MAP4: variants seen among roughly 807,000 people sequenced by gnomAD.
MAP4 encodes the protein microtubule-associated protein 4.
MAP4 carries 76 observed loss-of-function variants against 170.2 expected under a neutral mutation model. The ratio of observed to expected loss-of-function variants is 0.45; its 90% CI spans 0.37 to 0.54. The LOEUF is 0.54. Ranked by LOEUF, MAP4 falls within the 20% of genes least tolerant of loss-of-function variation. MAP4 has a pLI of 0.00. For missense variants in MAP4, 2,506 were observed against 2,748.0 expected (o/e 0.91, Z 1.97); for synonymous variants, 909 against 994.5 (o/e 0.91, Z 1.62).
chr3:48,079,843 G>T (rs560070772), intron 1 of MAP4, among the ~76,000 whole-genome samples: 1 of 151,956 alleles, frequency 6.6e-6, no homozygotes, highest in South Asian at 2.1e-4. Flanking sequence ...CCAGCTACTC[G>T]GGAGGCTGAG....
At chr3:47,874,392 C>A (rs1043273162) in intron 12 of MAP4, among the ~76,000 whole-genome samples, 16 of 152,142 alleles carry the variant, frequency 1.1e-4, no homozygotes, top group Non-Finnish European at 2.1e-4. Context: ...ATGCTTGAAC[C>A]TGGGAGGTGG....
intron 12 of MAP4, among the ~76,000 whole-genome samples, chr3:47,872,303 C>G (rs1576865142): frequency 6.6e-6 from 1 of 152,192 alleles, no homozygotes; most frequent in East Asian, 1.9e-4. Flanking sequence ...CCTGACTCAG[C>G]CTCCAGAGTA....
chr3:47,903,134 T>C (rs2100031010), intron 9 of MAP4, 134 bp from the exon 10 acceptor site: 1 of 151,040 alleles, frequency 6.6e-6, no homozygotes, highest in South Asian at 2.2e-4. Flanking sequence ...CTCACAGTTC[T>C]ACTTGGTTTC....
chr3:47,932,393 G>A (rs2100050375), intron 3 of MAP4, among the ~76,000 whole-genome samples: 1 of 152,004 alleles, frequency 6.6e-6, no homozygotes, highest in Admixed American at 6.6e-5. Flanking sequence ...GAACATTCAC[G>A]TACAGGTTTT....
At chr3:48,076,358 C>T (rs964428226) in intron 1 of MAP4, among the ~76,000 whole-genome samples, 2 of 151,258 alleles carry the variant, frequency 1.3e-5, no homozygotes, top group African/African-American at 4.9e-5. Flanking sequence ...AAAAATTAGC[C>T]GGGCATGGTG....
chr3:48,062,494 TA>T (rs1156947592), intron 1 of MAP4, among the ~76,000 whole-genome samples: 7,972 of 81,488 alleles, frequency 0.098, 248 homozygotes, highest in African/African-American at 0.2. Context: ...GAATGATCAA[TA>T]AAAAAAAAAA....
At chr3:47,919,178 G>T (rs971422623) in intron 5 of MAP4, among the ~76,000 whole-genome samples, 1 of 152,026 alleles carries the variant, frequency 6.6e-6, no homozygotes, top group Admixed American at 6.5e-5. Context: ...TGATCCAACC[G>T]CCTCGGCCTC....
At chr3:48,053,690 C>T (rs1216569002) in intron 1 of MAP4, among the ~76,000 whole-genome samples, 1 of 152,118 alleles carries the variant, frequency 6.6e-6, no homozygotes, top group Non-Finnish European at 1.5e-5. Context: ...TTTATTTGTA[C>T]ATGATCTGTC....
At chr3:48,079,243 G>T (rs763236806) in intron 1 of MAP4, among the ~76,000 whole-genome samples, 2 of 152,034 alleles carry the variant, frequency 1.3e-5, no homozygotes, top group African/African-American at 2.4e-5. Context: ...GCTCACTAGA[G>T]AGCATTTTGG....
chr3:47,892,912 C>G, intron 10 of MAP4: 1 of 988,766 alleles, frequency 1.0e-6, no homozygotes, highest in Non-Finnish European at 1.2e-6. Flanking sequence ...CCATGCCCAC[C>G]CTTCCACATT....
intron 1 of MAP4, among the ~76,000 whole-genome samples, chr3:48,054,549 G>C (rs1215479899): frequency 2.2e-5 from 3 of 139,422 alleles, no homozygotes; most frequent in Non-Finnish European, 1.5e-5. Flanking sequence ...AGAATCACTT[G>C]AACTCGAGAG....
At chr3:47,973,098 G>A (rs982963973) in intron 3 of MAP4, 2 of 980,102 alleles carry the variant, frequency 2.0e-6, no homozygotes, top group African/African-American at 3.5e-5. Flanking sequence ...AATGTAAGAT[G>A]TTTATTAGTG....
chr3:47,954,679 C>T (rs1374522588), intron 3 of MAP4, among the ~76,000 whole-genome samples: 1 of 152,158 alleles, frequency 6.6e-6, no homozygotes, highest in Non-Finnish European at 1.5e-5. Flanking sequence ...ATACCCAGAC[C>T]TTTCAGGGAT....
intron 1 of MAP4, among the ~76,000 whole-genome samples, chr3:48,084,910 G>A (rs1316604763): frequency 6.6e-6 from 1 of 151,668 alleles, no homozygotes; most frequent in Non-Finnish European, 1.5e-5. Flanking sequence ...CCAAAGTGCT[G>A]GAATTACAGG....
intron 3 of MAP4, among the ~76,000 whole-genome samples, chr3:47,969,558 C>G (rs928794521): frequency 2.6e-5 from 4 of 152,120 alleles, no homozygotes; most frequent in Non-Finnish European, 5.9e-5. Flanking sequence ...TTTGAAGTAA[C>G]CTCTTGGTTA....
At chr3:48,082,824 A>T in intron 1 of MAP4, among the ~76,000 whole-genome samples, 1 of 151,782 alleles carries the variant, frequency 6.6e-6, no homozygotes, top group East Asian at 1.9e-4. Context: ...AAAAAAGTTA[A>T]TCAGTAACGA....
At chr3:48,065,725 T>C (rs2100138008) in intron 1 of MAP4, among the ~76,000 whole-genome samples, 1 of 152,146 alleles carries the variant, frequency 6.6e-6, no homozygotes, top group Non-Finnish European at 1.5e-5. Context: ...AGTCATGCAG[T>C]TTGAGGAAAT....
intron 1 of MAP4, among the ~76,000 whole-genome samples, chr3:48,076,670 C>T (rs2100144086): frequency 6.6e-6 from 1 of 151,738 alleles, no homozygotes; most frequent in African/African-American, 2.4e-5. Context: ...AAGACAGAGA[C>T]CCTGTCTCGG....
intron 1 of MAP4, among the ~76,000 whole-genome samples, chr3:48,045,984 CTTTTT>C (rs59624917): frequency 7.6e-6 from 1 of 130,848 alleles, no homozygotes; most frequent in East Asian, 2.2e-4. Context: ...TGCATCACTT[CTTTTT>C]TTTTTTTTTT....
Sources: gnomAD v4.1 joint callset for allele counts (sites outside exome capture counted in the v4.1 genomes callset) on GRCh38, gnomAD v4.1.1 for gene constraint, MANE v1.5 for transcripts, NCBI Gene and HGNC (gene_info 2026-07-23, HGNC 2026-07-21) for gene names.